The following MCM8 variants were observed in gnomAD, a reference collection of about 807,000 sequenced individuals.
MCM8 encodes DNA helicase MCM8.
In MCM8, 85 loss-of-function variants were observed where a neutral mutation model predicts 98.9. The observed-to-expected ratio is 0.86, with a 90% CI of 0.72 to 1.03. The LOEUF is 1.03. Ranked by LOEUF, MCM8 falls within the 50% of genes least tolerant of loss-of-function variation. MCM8 has a pLI of 0.00. For synonymous variants in MCM8, 352 were observed against 338.6 expected, an observed-to-expected ratio of 1.04 and a Z score of -0.44; for missense variants, 951 against 997.8, an observed-to-expected ratio of 0.95 and a Z score of 0.63.
At position 5,958,166 on chromosome 20, in the gene MCM8, C is replaced by T. The variant is rs144990909; in HGVS notation, c.591-362C>T. ...CAGGCGGATCACGAGGTCAAGCGAT[C>T]GAGACCATCCTGGCCAACATGGTGA... On this transcript the variant is annotated intron_variant, in intron 6 of 18. Coordinates refer to ENST00000610722, the MANE Select transcript of MCM8 (RefSeq NM_032485.6). Among the ~76,000 whole-genome samples, 287 of 152,278 alleles carry T rather than the reference C, an allele frequency of 1.9e-3. 1 individual carries two copies. The highest frequency in any genetic ancestry group is 6.4e-3 in the African/African-American group (265 of 41,566).
At chr20:5,958,221 T>A (rs1399654635) in intron 6 of MCM8, among the ~76,000 whole-genome samples, 1 of 152,124 alleles carries the variant, frequency 6.6e-6, no homozygotes, top group East Asian at 1.9e-4. Flanking sequence ...ATACAAAAAT[T>A]AGCTGGGTGT....
chr20:5,975,210 C>T (rs985869228), intron 12 of MCM8, among the ~76,000 whole-genome samples: 3 of 151,352 alleles, frequency 2.0e-5, no homozygotes, highest in Admixed American at 6.6e-5. Flanking sequence ...AGGGAGCCAT[C>T]GTTATGCAAC....
chr20:5,959,052 C>T (rs1427629785), intron 7 of MCM8, among the ~76,000 whole-genome samples: 1 of 152,112 alleles, frequency 6.6e-6, no homozygotes, highest in Non-Finnish European at 1.5e-5. Context: ...TAATATGCAT[C>T]CCTTCCATTC....
At chr20:5,952,268 G>T in intron 2 of MCM8, 105 bp downstream of exon 2, 1 of 1,563,086 alleles carries the variant, frequency 6.4e-7, no homozygotes, top group Non-Finnish European at 8.6e-7. Context: ...TTTATTTCAT[G>T]CTACTCCTTA....
At chr20:5,989,494 C>T (rs1247899523) in intron 17 of MCM8, among the ~76,000 whole-genome samples, 4 of 152,116 alleles carry the variant, frequency 2.6e-5, no homozygotes, top group African/African-American at 9.7e-5. Flanking sequence ...AAACCAAAGG[C>T]CTCAAAAACT....
intron 17 of MCM8, among the ~76,000 whole-genome samples, chr20:5,989,561 A>G (rs1234165439): frequency 3.9e-5 from 6 of 152,196 alleles, no homozygotes; most frequent in Non-Finnish European, 7.4e-5. Context: ...AAGAATTTTT[A>G]TGGTCTAGTC....
chr20:5,963,815 C>T (rs752391953), intron 8 of MCM8, among the ~76,000 whole-genome samples: 1 of 152,124 alleles, frequency 6.6e-6, no homozygotes, highest in Non-Finnish European at 1.5e-5. Context: ...GGATTACAGG[C>T]GTGAGCCACC....
intron 10 of MCM8, among the ~76,000 whole-genome samples, chr20:5,971,453 A>G (rs541632155): frequency 2.6e-5 from 4 of 152,258 alleles, no homozygotes; most frequent in Non-Finnish European, 5.9e-5. Context: ...ATTTACCTGT[A>G]GGCTGGAAGC....
Position 5,957,206 on chromosome 20 carries a change from A to G in MCM8, c.567A>G (p.Val189=). ...TGTCTAATGATGGAGAAACAATGGT[A>G]AATGTGCCACATATTCATGCAAGGT... ...EGLSNDGETM[V]NVPHIHARVY... is the part of the protein sequence containing the mutation. The change falls in exon 6 of 19, where the codon GTA becomes GTG. Residue 189 remains valine, a synonymous_variant. Transcript: ENST00000610722. 6.2e-7 allele frequency: 1 copy of G among 1,613,430 alleles called. No individual in the cohort carries two copies. The highest frequency in any genetic ancestry group is 8.5e-7 in the Non-Finnish European group (1 of 1,179,600).
intron 17 of MCM8, among the ~76,000 whole-genome samples, chr20:5,991,696 A>G (rs1600315547): frequency 6.6e-6 from 1 of 152,210 alleles, no homozygotes. Flanking sequence ...CTCAACATGC[A>G]TTCTTTCCTT....
intron 3 of MCM8, among the ~76,000 whole-genome samples, chr20:5,954,190 T>C (rs2088911213): frequency 6.6e-6 from 1 of 152,204 alleles, no homozygotes. Flanking sequence ...GGGTCAAGTG[T>C]TGGTCTGTCT....
chr20:5,978,917 T>C (rs2089573122), intron 13 of MCM8, among the ~76,000 whole-genome samples: 2 of 152,202 alleles, frequency 1.3e-5, no homozygotes, highest in Non-Finnish European at 2.9e-5. Context: ...TGGTTTTTTT[T>C]CAGGATTTGA....
At chr20:5,969,292 A>G (rs1016083378) in intron 10 of MCM8, among the ~76,000 whole-genome samples, 10 of 152,310 alleles carry the variant, frequency 6.6e-5, no homozygotes, top group African/African-American at 2.2e-4. Context: ...AATGCATTGT[A>G]TTATAAAAAG....
Position 5,967,429 on chromosome 20 carries a change from T to C in MCM8, c.876-7T>C. 6.2e-7 allele frequency: 1 copy of C among 1,611,524 alleles called. No individual in the cohort carries two copies. The highest frequency in any genetic ancestry group is 8.5e-7 in the Non-Finnish European group (1 of 1,178,364). ...TATTCTAACTGAAAACTATTTAAAC[T>C]TTTTAGAATCCAGGAATTGATGTCT... is the stretch of plus-strand genomic sequence containing the variant. On this transcript the variant is annotated splice_region_variant and splice_polypyrimidine_tract_variant and intron_variant, in intron 8 of 18. Coordinates refer to ENST00000610722, the MANE Select transcript of MCM8 (RefSeq NM_032485.6).
chr20:5,985,101 C>A, intron 15 of MCM8, 101 bp downstream of exon 15: 2 of 873,168 alleles, frequency 2.3e-6, no homozygotes, highest in Non-Finnish European at 3.5e-6. Context: ...TTTTTTTTTA[C>A]CAGAACTTTT....
At chr20:5,952,762 G>A (rs955452495) in intron 3 of MCM8, among the ~76,000 whole-genome samples, 1 of 152,152 alleles carries the variant, frequency 6.6e-6, no homozygotes, top group African/African-American at 2.4e-5. Context: ...CAAGAAATTG[G>A]ATACAAAAAT....
chr20:5,985,637 C>T (rs1451448485), intron 15 of MCM8, among the ~76,000 whole-genome samples: 2 of 151,780 alleles, frequency 1.3e-5, no homozygotes, highest in East Asian at 2.0e-4. Context: ...CCTCTGTCTC[C>T]CGGGTTCAAG....
chr20:5,955,327 T>A, intron 5 of MCM8, 76 bp downstream of exon 5: 1 of 1,375,110 alleles, frequency 7.3e-7, no homozygotes, highest in Non-Finnish European at 1.0e-6. Context: ...TTGTCTAAGT[T>A]TAAAGGAAGA....
chr20:5,984,164 A>G (rs751216780), intron 14 of MCM8, among the ~76,000 whole-genome samples: 1 of 152,258 alleles, frequency 6.6e-6, no homozygotes, highest in African/African-American at 2.4e-5. Flanking sequence ...TACAAAAGTG[A>G]GAAAAAGACA....
Sources: allele counts gnomAD v4.1 joint callset (sites outside exome capture counted in the v4.1 genomes callset), GRCh38; gene constraint gnomAD v4.1.1; transcripts MANE v1.5; gene names NCBI Gene and HGNC (gene_info 2026-07-23, HGNC 2026-07-21).